GRHL3: variants seen among roughly 807,000 people sequenced by gnomAD.
GRHL3 encodes grainyhead-like protein 3 homolog.
GRHL3 carries 20 observed loss-of-function variants against 70.3 expected under a neutral mutation model. The observed-to-expected ratio is 0.28, with a 90% confidence interval of 0.20 to 0.41. The LOEUF is 0.41. GRHL3 is among the 10% of genes least tolerant of loss of function. GRHL3 has a pLI of 1.00. For synonymous variants in GRHL3, 299 were observed against 299.9 expected (o/e 1.00, Z 0.03); for missense variants, 637 against 762.3 (o/e 0.84, Z 1.94).
chr1:24,337,438 A>G (rs1208368200), intron 5 of GRHL3, 198 bp from the exon 6 acceptor site: 9 of 614,006 alleles, frequency 1.5e-5, no homozygotes, highest in Non-Finnish European at 2.5e-5. Flanking sequence ...GGCCCTCATT[A>G]TTCAGCAGGA....
rs910197678 is a variant in GRHL3 at position 24,364,183 on chromosome 1, A to G, written c.1695-2A>G. 11 of 1,490,448 alleles carry G rather than the reference A, an allele frequency of 7.4e-6. No individual in the cohort carries two copies. Among genetic ancestry groups the G allele is most frequent in the African/African-American group, 1.4e-5 (1 of 70,504 alleles). The allele number at this position is 1,490,448 out of a possible 1,614,324, so 92.3% of individuals were successfully genotyped here. ...ATTCTTGACGTTCTCACTTTCTTCCAGGGAAACTTCTCTCCTCCACCCACG... is the reference window on the plus strand; with the variant it reads ...ATTCTTGACGTTCTCACTTTCTTCCGGGGAAACTTCTCTCCTCCACCCACG... On this transcript the variant is annotated splice_acceptor_variant, in intron 15 of 15. Transcript: ENST00000350501. LOFTEE classifies it high-confidence loss of function.
chr1:24,339,092 C>G (rs986874897), intron 7 of GRHL3, among the ~76,000 whole-genome samples: 25 of 152,278 alleles, frequency 1.6e-4, no homozygotes, highest in African/African-American at 5.5e-4. Context: ...ACCTCTACCC[C>G]CAACATGATG....
chr1:24,350,076 T>A lies in GRHL3; in HGVS notation c.1648T>A (p.Phe550Ile), dbSNP rs777703670. 4.3e-6 allele frequency: 7 copies of A among 1,613,208 alleles called. No individual in the cohort carries two copies. Among genetic ancestry groups the A allele is most frequent in the Non-Finnish European group, 5.9e-6 (7 of 1,179,622 alleles). ...CTTCCAGATCTCTGAGAAGTATGGG[T>A]TCCCTGAAGAGAACATTTACAAAGT... ...LRNAISEKYG[F>I]PEENIYKVYK... Residue 550 changes from phenylalanine (F) to isoleucine (I), a missense_variant, in exon 15 of 16, where the codon TTC becomes ATC. Phe to Ile is a conservative substitution (Grantham distance 21, BLOSUM62 0). Coordinates refer to ENST00000361548, the MANE Select transcript of GRHL3 (RefSeq NM_198173.3).
In GRHL3 at chr1:24,343,045, C is replaced by T. The variant is rs751500582; in HGVS notation, c.1419+20C>T. The T allele has an allele frequency of 4.3e-6, 7 of 1,613,776 alleles. No individual in the cohort carries two copies. Among genetic ancestry groups the T allele is most frequent in the Non-Finnish European group, 5.9e-6 (7 of 1,179,892 alleles). ...GGAGGGGTGAGGCCAGGGCTGGGGT[C>T]TCGGGAAGGAGCCGAGAGAGGGTCC... On this transcript the variant is annotated intron_variant, in intron 11 of 15. Transcript: ENST00000361548.
chr1:24,339,563 G>T lies in GRHL3; in HGVS notation c.953-105G>T, dbSNP rs113048728. 9.1e-4 allele frequency: 652 copies of T among 715,740 alleles called. 1 individual carries two copies. The African/African-American group carries it at 0.01, about 11-fold the overall frequency. The allele number at this position is 715,740 out of a possible 1,614,324, so 44.3% of individuals were successfully genotyped here. ...CAAAGTGCTGGGATTACAGGCGTGA[G>T]AAACCACGCCCGGCCGAGTGAGGCC... is the stretch of plus-strand genomic sequence containing the variant. On this transcript the variant is annotated intron_variant, in intron 7 of 15. Transcript: ENST00000361548.
At chr1:24,360,243 G>A (rs937237485), downstream of GRHL3, among the ~76,000 whole-genome samples, 5 of 152,282 alleles carry the variant, frequency 3.3e-5, no homozygotes, top group East Asian at 3.9e-4. Flanking sequence ...TCAGGAGTTC[G>A]AGACCAGCCT....
rs1308460645 is a variant in GRHL3 at position 24,322,245 on chromosome 1, G to T, written c.17+2677G>T. Among the ~76,000 whole-genome samples the T allele has an allele frequency of 2.0e-5, 3 of 152,280 alleles. No individual in the cohort carries two copies. The highest frequency in any genetic ancestry group is 1.9e-4 in the East Asian group (1 of 5,162). On this transcript the variant is annotated intron_variant, in intron 1 of 15. Transcript: ENST00000361548. This position sits in a 1 kb window ranked among gnomAD's most constrained non-coding sequence, Gnocchi z 4.4. ...CTGCTCTCTGGGCCCCACCGCTGCC[G>T]CCTGGAGTCTCCCCTCAGCCTCGCA... is the stretch of plus-strand genomic sequence containing the variant.
In GRHL3 at chr1:24,337,074, G is replaced by A; in HGVS notation, c.613-4G>A. 6.2e-7 allele frequency: 1 copy of A among 1,613,718 alleles called. No individual in the cohort carries two copies. Among genetic ancestry groups the A allele is most frequent in the Non-Finnish European group, 8.5e-7 (1 of 1,179,646 alleles). On this transcript the variant is annotated splice_region_variant and splice_polypyrimidine_tract_variant and intron_variant, in intron 4 of 15. Coordinates refer to ENST00000361548, the MANE Select transcript of GRHL3 (RefSeq NM_198173.3). ...TATTCTCTTGGGGCTGTGTTTCTCTGCAGTCGATGCTCTTCCCAGATATCC... is the reference window on the plus strand; with the variant it reads ...TATTCTCTTGGGGCTGTGTTTCTCTACAGTCGATGCTCTTCCCAGATATCC...
Position 24,319,443 on chromosome 1 carries a change from A to G in GRHL3, c.-109A>G. On this transcript the variant is annotated 5_prime_UTR_variant, in exon 1 of 16. Coordinates refer to ENST00000361548, the MANE Select transcript of GRHL3 (RefSeq NM_198173.3). ...GCAAAATCTCGACACCCAAACCTCA[A>G]CATAAATCAAACACTTTCCCGGGCA... The G allele has an allele frequency of 1.6e-6, 2 of 1,221,060 alleles. No individual in the cohort carries two copies. The highest frequency in any genetic ancestry group is 2.4e-6 in the Non-Finnish European group (2 of 825,054). The allele number at this position is 1,221,060 out of a possible 1,614,324, so 75.6% of individuals were successfully genotyped here.
chr1:24,323,053 A>G (rs1182975509), intron 1 of GRHL3: 3 of 1,549,022 alleles, frequency 1.9e-6, no homozygotes, highest in South Asian at 2.4e-5. Flanking sequence ...AGATGTGCCA[A>G]ACTGTTAAGA....
Position 24,334,840 on chromosome 1 carries a change from T to C in GRHL3, c.266+134T>C. 1 of 504,934 alleles carries C rather than the reference T, an allele frequency of 2.0e-6. No homozygotes were observed. Among genetic ancestry groups the C allele is most frequent in the Non-Finnish European group, 3.5e-6 (1 of 288,366 alleles). The allele number at this position is 504,934 out of a possible 1,614,324, so 31.3% of individuals were successfully genotyped here. A position where few individuals can be genotyped will look rare whatever the true frequency, so the allele number is the denominator to read the frequency against. ...GGCCCACAACACATTTTGGGATTCA[T>C]GATAATGTTTTCATTTATTTTAAAA... On this transcript the variant is annotated intron_variant, in intron 3 of 15. Transcript: ENST00000361548. This position sits in a 1 kb window ranked among gnomAD's most constrained non-coding sequence, Gnocchi z 4.3.
chr1:24,334,807 G>A lies in GRHL3; in HGVS notation c.266+101G>A, dbSNP rs1639733921. ...TTATCCATTAGGCACAGGAGGCACA[G>A]TGCTGAGGGCCCACAACACATTTTG... On this transcript the variant is annotated intron_variant, in intron 3 of 15. Transcript: ENST00000361548. This position sits in a 1 kb window ranked among gnomAD's most constrained non-coding sequence, Gnocchi z 4.3. 2.8e-6 allele frequency: 2 copies of A among 705,498 alleles called. No individual in the cohort carries two copies. Among genetic ancestry groups the A allele is most frequent in the African/African-American group, 3.6e-5 (2 of 55,258 alleles). The allele number at this position is 705,498 out of a possible 1,614,324, so 43.7% of individuals were successfully genotyped here.
rs1207980730 is a variant in GRHL3 at position 24,354,804 on chromosome 1, A to C, written c.*316A>C. ...CCCTCCTCCCAAGACCCTTGTCTGC[A>C]GTGGTGCTCCTGCAGGCTGCCCGTT... is the stretch of plus-strand genomic sequence containing the variant. On this transcript the variant is annotated 3_prime_UTR_variant, in exon 16 of 16. Transcript: ENST00000361548. 4.8e-6 allele frequency: 1 copy of C among 209,598 alleles called. No individual in the cohort carries two copies. The highest frequency in any genetic ancestry group is 2.3e-5 in the African/African-American group (1 of 43,860). The allele number at this position is 209,598 out of a possible 1,614,324, so 13.0% of individuals were successfully genotyped here.
chr1:24,351,678 G>T (rs1640515954), intron 15 of GRHL3, among the ~76,000 whole-genome samples: 1 of 142,762 alleles, frequency 7.0e-6, no homozygotes, highest in Non-Finnish European at 1.5e-5. Context: ...GGGTGGGAGG[G>T]TGGGGTGTGT....
At chr1:24,328,959 A>G (rs1639494760) in intron 1 of GRHL3, among the ~76,000 whole-genome samples, 1 of 152,120 alleles carries the variant, frequency 6.6e-6, no homozygotes, top group African/African-American at 2.4e-5. Context: ...GGGAGTTTCC[A>G]TTAGCTCCGG....
At chr1:24,323,395 C>T (rs112179997) in intron 1 of GRHL3, among the ~76,000 whole-genome samples, 16 of 152,234 alleles carry the variant, frequency 1.1e-4, no homozygotes, top group African/African-American at 3.6e-4. Context: ...GATGCGTGTC[C>T]AAGTTGTAAA....
At chr1:24,351,949 G>C (rs372216399) in intron 15 of GRHL3, among the ~76,000 whole-genome samples, 28 of 152,182 alleles carry the variant, frequency 1.8e-4, no homozygotes, top group Middle Eastern at 3.4e-3. Context: ...AAGCATCTTG[G>C]ACTTCTAAAG....
At chr1:24,337,020 T>C in intron 4 of GRHL3, 58 bp from the exon 5 acceptor site, 1 of 1,538,620 alleles carries the variant, frequency 6.5e-7, no homozygotes, top group South Asian at 1.1e-5. Context: ...AGCCCTGGGC[T>C]GAGGCTTCCC....
chr1:24,342,317 G>A lies in GRHL3; in HGVS notation c.1206+44G>A, dbSNP rs374800372. 23 of 1,528,366 alleles carry A rather than the reference G, an allele frequency of 1.5e-5. No individual in the cohort carries two copies. The African/African-American group carries it at 2.8e-4, about 18-fold the overall frequency. 94.7% of individuals were successfully genotyped at this position (1,528,366 alleles called of 1,614,324 possible). A position where few individuals can be genotyped will look rare whatever the true frequency, so the allele number is the denominator to read the frequency against. ...CCCTATACTGGGTCCCGGGGAGGTAGAAGGGCCAAACCCTGACCCGTGCGT... is the reference window on the plus strand; with the variant it reads ...CCCTATACTGGGTCCCGGGGAGGTAAAAGGGCCAAACCCTGACCCGTGCGT... On this transcript the variant is annotated intron_variant, in intron 9 of 15. Coordinates refer to ENST00000361548, the MANE Select transcript of GRHL3 (RefSeq NM_198173.3). The surrounding 1 kb of genome is among the most constrained non-coding windows in gnomAD (Gnocchi z 4.8).
Sources: gnomAD v4.1 joint callset for allele counts (sites outside exome capture counted in the v4.1 genomes callset) on GRCh38, gnomAD v4.1.1 for gene constraint, Gnocchi (gnomAD v3.1) non-coding constraint, MANE v1.5 for transcripts, NCBI Gene and HGNC (gene_info 2026-07-23, HGNC 2026-07-21) for gene names.